Variants in KCND2 observed in about 807,000 individuals in gnomAD.
KCND2 encodes potassium voltage-gated channel subfamily D member 2.
KCND2 carries 16 observed loss-of-function variants against 54.4 expected under a neutral mutation model. The ratio of observed to expected loss-of-function variants is 0.29; its 90% CI spans 0.20 to 0.45. The LOEUF (loss-of-function observed/expected upper bound fraction) is 0.45, where lower values mean the gene tolerates loss of function less well. Ranked by LOEUF, KCND2 falls within the 20% of genes least tolerant of loss-of-function variation. The pLI, the probability that KCND2 is intolerant of heterozygous loss-of-function variation, is 1.00. For missense variants in KCND2, 486 were observed against 824.2 expected (o/e 0.59, Z 5.02); for synonymous variants, 317 against 310.7 (o/e 1.02, Z -0.21).
intron 1 of KCND2, among the ~76,000 whole-genome samples, chr7:120,662,868 A>G (rs1791883264): frequency 6.6e-6 from 1 of 152,192 alleles, no homozygotes; most frequent in South Asian, 2.1e-4. Flanking sequence ...TGAACTCACT[A>G]AATGACTGCC....
In KCND2 at chr7:120,440,315, TG is replaced by T. The variant is rs1801929536; in HGVS notation, c.1115+164569del. Among the ~76,000 whole-genome samples the T allele has an allele frequency of 4.6e-5, 7 of 152,180 alleles. No homozygotes were observed. The South Asian group carries it at 1.4e-3, about 32-fold the overall frequency. On this transcript the variant is annotated intron_variant, in intron 1 of 5. Transcript: ENST00000331113. ...TGGATAAAAGTTTATTCATATATTT[TG>T]CTTTTTAAAAATCAGATTATTTAGG...
rs1362325988 is a variant in KCND2 at position 120,295,323 on chromosome 7, C to G, written c.1115+19576C>G. Among the ~76,000 whole-genome samples, 2 of 148,960 alleles carry G rather than the reference C, an allele frequency of 1.3e-5. 1 individual carries two copies. Among genetic ancestry groups the G allele is most frequent in the Admixed American group, 1.4e-4 (2 of 14,732 alleles). On this transcript the variant is annotated intron_variant, in intron 1 of 5. Transcript: ENST00000331113. ...AACGATTAATGAGGCATATTTTCTG[C>G]CCTGAAAAAATATGTCATAGAGTAA...
At chr7:120,728,526 A>T (rs975979933) in intron 1 of KCND2, among the ~76,000 whole-genome samples, 3 of 152,010 alleles carry the variant, frequency 2.0e-5, no homozygotes, top group African/African-American at 7.2e-5. Context: ...CCTGACTCAG[A>T]TGATCCACCA....
At chr7:120,632,135 C>T (rs1793241178) in intron 1 of KCND2, among the ~76,000 whole-genome samples, 1 of 152,008 alleles carries the variant, frequency 6.6e-6, no homozygotes, top group East Asian at 1.9e-4. Context: ...AAGAGCAATG[C>T]CAGTAAATTA....
intron 1 of KCND2, among the ~76,000 whole-genome samples, chr7:120,465,761 C>T (rs1025141805): frequency 6.6e-6 from 1 of 152,082 alleles, no homozygotes; most frequent in African/African-American, 2.4e-5. Flanking sequence ...GTGAGCATCA[C>T]CTTGTATTTG....
intron 1 of KCND2, among the ~76,000 whole-genome samples, chr7:120,333,878 A>T (rs1800105299): frequency 6.6e-6 from 1 of 151,962 alleles, no homozygotes; most frequent in East Asian, 1.9e-4. Flanking sequence ...TATTTTTCAA[A>T]CATCTTTCGG....
intron 1 of KCND2, among the ~76,000 whole-genome samples, chr7:120,438,988 A>G (rs900351947): frequency 1.1e-4 from 16 of 152,270 alleles, no homozygotes; most frequent in Admixed American, 2.6e-4. Context: ...AATCTTGTTC[A>G]GCATGGCTGA....
chr7:120,562,499 T>A (rs952694875), intron 1 of KCND2, among the ~76,000 whole-genome samples: 1 of 152,138 alleles, frequency 6.6e-6, no homozygotes, highest in African/African-American at 2.4e-5. Context: ...AGTGACAAGA[T>A]GACCTCCTTT....
intron 1 of KCND2, among the ~76,000 whole-genome samples, chr7:120,409,451 A>G (rs1021573702): frequency 6.6e-6 from 1 of 151,866 alleles, no homozygotes; most frequent in Non-Finnish European, 1.5e-5. Context: ...CAAATGTTTA[A>G]CTCTATAAGA....
intron 1 of KCND2, among the ~76,000 whole-genome samples, chr7:120,400,916 G>A (rs1361556187): frequency 6.6e-6 from 1 of 151,590 alleles, no homozygotes; most frequent in Non-Finnish European, 1.5e-5. Flanking sequence ...TTAATTGATT[G>A]TGAATAAAGA....
rs1172736129 is a variant in KCND2 at position 120,313,749 on chromosome 7, T to TTTA, written c.1115+38004_1115+38005insATT. ...TCAAGATGTCTCCTGGGATTTTTTT[T>TTTA]TTTTTTTTTGTAGATTTAAAGAACA... is the stretch of plus-strand genomic sequence containing the variant. On this transcript the variant is annotated intron_variant, in intron 1 of 5. Coordinates refer to ENST00000331113, the MANE Select transcript of KCND2 (RefSeq NM_012281.3). Among the ~76,000 whole-genome samples the TTTA allele has an allele frequency of 2.0e-5, 3 of 151,292 alleles. No homozygotes were observed. In the East Asian group the frequency reaches 5.8e-4, roughly 29 times the overall value.
chr7:120,649,589 C>T (rs373477658), intron 1 of KCND2, among the ~76,000 whole-genome samples: 5 of 152,134 alleles, frequency 3.3e-5, no homozygotes, highest in Admixed American at 6.5e-5. Context: ...ACATATCCTT[C>T]GTCCACTTTT....
chr7:120,514,015 C>T (rs182147750), intron 1 of KCND2, among the ~76,000 whole-genome samples: 339 of 152,164 alleles, frequency 2.2e-3, no homozygotes, highest in Non-Finnish European at 3.7e-3. Flanking sequence ...ATAATAATGT[C>T]CTAAACTTTG....
intron 1 of KCND2, among the ~76,000 whole-genome samples, chr7:120,515,546 A>G (rs1385392674): frequency 6.6e-6 from 1 of 152,074 alleles, no homozygotes; most frequent in Non-Finnish European, 1.5e-5. Context: ...TAGAACCTAC[A>G]ATCTCTGAAG....
intron 1 of KCND2, among the ~76,000 whole-genome samples, chr7:120,290,067 G>T (rs935123587): frequency 3.3e-5 from 5 of 152,032 alleles, no homozygotes; most frequent in Non-Finnish European, 7.4e-5. Context: ...TGCTGACAAA[G>T]TTCTCTCTTC....
intron 1 of KCND2, among the ~76,000 whole-genome samples, chr7:120,534,060 A>T (rs1171648357): frequency 6.6e-6 from 1 of 151,700 alleles, no homozygotes; most frequent in Admixed American, 6.6e-5. Flanking sequence ...ATTTTTTTGT[A>T]CAAATCTACA....
chr7:120,747,132 G>A (rs186503765), intron 5 of KCND2, among the ~76,000 whole-genome samples: 4 of 152,112 alleles, frequency 2.6e-5, no homozygotes, highest in Admixed American at 2.0e-4. Context: ...TCCCCACATA[G>A]AGTATACAAT....
Position 120,275,266 on chromosome 7 carries a change from A to C in KCND2, c.634A>C (p.Ser212Arg). ...GGTGGAAACAGTGCCGTGCGGATCAAGCCCAGGTCACATTAAAGAACTGCC... is the reference window on the plus strand; with the variant it reads ...GGTGGAAACAGTGCCGTGCGGATCACGCCCAGGTCACATTAAAGAACTGCC... ...NVVETVPCGS[S>R]PGHIKELPCG... The change falls in exon 1 of 6, where the codon AGC (serine) becomes CGC (arginine). Residue 212 changes from serine (S) to arginine (R), a missense_variant. Physicochemically the swap from Ser to Arg is moderately radical, Grantham distance 110 (BLOSUM62 -1). Coordinates refer to ENST00000331113, the MANE Select transcript of KCND2 (RefSeq NM_012281.3). The C allele has an allele frequency of 6.2e-7, 1 of 1,613,930 alleles. No individual in the cohort carries two copies.
intron 1 of KCND2, among the ~76,000 whole-genome samples, chr7:120,395,681 G>GAA (rs901898115): frequency 6.6e-6 from 1 of 151,984 alleles, no homozygotes; most frequent in African/African-American, 2.4e-5. Context: ...GAACTTTCTG[G>GAA]AAAATGGTGG....
Sources: allele counts gnomAD v4.1 joint callset (sites outside exome capture counted in the v4.1 genomes callset), GRCh38; gene constraint gnomAD v4.1.1; transcripts MANE v1.5; gene names NCBI Gene and HGNC (gene_info 2026-07-23, HGNC 2026-07-21).